Variants in GPC6 observed in about 807,000 individuals in gnomAD.
GPC6 encodes glypican-6.
Under a neutral mutation model 55.2 loss-of-function variants are expected in GPC6, and 14 were observed. The observed-to-expected ratio is 0.25, with a 90% CI of 0.17 to 0.40. The LOEUF (loss-of-function observed/expected upper bound fraction) is 0.40, where lower values mean the gene tolerates loss of function less well. Among genes scored for constraint, GPC6 ranks in the 10% least tolerant of loss-of-function variants. GPC6 has a pLI of 1.00. For missense variants in GPC6, 641 were observed against 708.5 expected (o/e 0.90, Z 1.08); for synonymous variants, 278 against 259.6 (o/e 1.07, Z -0.68).
rs138653160 is a variant in GPC6, at chr13:94,141,382, G to GT, written c.877+113489dup. Among the ~76,000 whole-genome samples, 1,512 of 152,276 alleles carry GT rather than the reference G, an allele frequency of 9.9e-3. 13 individuals carry two copies. The highest frequency in any genetic ancestry group is 0.032 in the African/African-American group (1,315 of 41,538). Reference sequence around the variant, plus strand: ...CTGAGACAGAGTGACTTGTAAGGGTGTGTGACTTAACCCTTGTCTGGCATG... The same window carrying GT: ...CTGAGACAGAGTGACTTGTAAGGGTGTTGTGACTTAACCCTTGTCTGGCATG... On this transcript the variant is annotated intron_variant, in intron 4 of 8. Coordinates refer to ENST00000377047, the MANE Select transcript of GPC6 (RefSeq NM_005708.5).
At chr13:94,253,134 T>G (rs73549926) in intron 4 of GPC6, among the ~76,000 whole-genome samples, 31,590 of 151,972 alleles carry the variant, frequency 0.21, 3,304 homozygotes, top group South Asian at 0.29. Flanking sequence ...TAAGAAATAA[T>G]GCATTATATC....
intron 3 of GPC6, among the ~76,000 whole-genome samples, chr13:93,933,688 T>G (rs903878494): frequency 6.6e-6 from 1 of 152,202 alleles, no homozygotes; most frequent in Non-Finnish European, 1.5e-5. Flanking sequence ...TTAGTACTGT[T>G]ATTGTCACTC....
rs1885582259 is a variant in GPC6, at chr13:94,093,931, AG to A, written c.877+66038del. Among the ~76,000 whole-genome samples the A allele has an allele frequency of 9.9e-5, 15 of 152,238 alleles. No individual in the cohort carries two copies. In the South Asian group the frequency reaches 3.1e-3, roughly 32 times the overall value. Reference sequence around the variant, plus strand: ...GATGCTAGCACAGGAAAAAAACACAAGAAAATTGGCCCTGCAATCTAAATGT... The same window carrying A: ...GATGCTAGCACAGGAAAAAAACACAAAAAATTGGCCCTGCAATCTAAATGT... On this transcript the variant is annotated intron_variant, in intron 4 of 8. Coordinates refer to ENST00000377047, the MANE Select transcript of GPC6 (RefSeq NM_005708.5).
intron 2 of GPC6, among the ~76,000 whole-genome samples, chr13:93,655,003 ATTTTT>A (rs3884231): frequency 1.6e-4 from 17 of 104,754 alleles, no homozygotes; most frequent in African/African-American, 1.9e-4. Flanking sequence ...TGCCCGGCTA[ATTTTT>A]TTTTTTTTTT....
intron 3 of GPC6, among the ~76,000 whole-genome samples, chr13:93,898,398 A>T (rs1327890124): frequency 6.6e-6 from 1 of 152,164 alleles, no homozygotes; most frequent in African/African-American, 2.4e-5. Flanking sequence ...GCCATGCCAT[A>T]GGGAAGTATA....
intron 3 of GPC6, among the ~76,000 whole-genome samples, chr13:94,009,397 A>G (rs891433981): frequency 6.6e-6 from 1 of 152,174 alleles, no homozygotes; most frequent in Admixed American, 6.5e-5. Flanking sequence ...TTGTTTCTCT[A>G]CATGCATAAT....
At chr13:94,383,607 A>G (rs1326617340) in intron 7 of GPC6, among the ~76,000 whole-genome samples, 2 of 152,238 alleles carry the variant, frequency 1.3e-5, no homozygotes, top group Non-Finnish European at 2.9e-5. Context: ...TATAAAGTGC[A>G]TGGCTATTAA....
intron 1 of GPC6, among the ~76,000 whole-genome samples, chr13:93,319,445 G>T (rs1879355254): frequency 6.6e-6 from 1 of 152,086 alleles, no homozygotes; most frequent in Non-Finnish European, 1.5e-5. Flanking sequence ...TTAACTTAGA[G>T]AAATAAAAGT....
intron 1 of GPC6, among the ~76,000 whole-genome samples, chr13:93,258,264 G>A (rs1440595417): frequency 6.6e-6 from 1 of 152,058 alleles, no homozygotes; most frequent in African/African-American, 2.4e-5. Context: ...TCTTTGCTTT[G>A]GCTACTTGTA....
intron 3 of GPC6, among the ~76,000 whole-genome samples, chr13:93,837,713 A>T (rs1242480010): frequency 6.6e-6 from 1 of 152,206 alleles, no homozygotes; most frequent in African/African-American, 2.4e-5. Context: ...AACATTTATT[A>T]TGCAATAAAT....
At chr13:94,269,477 A>G (rs1891924192) in intron 4 of GPC6, among the ~76,000 whole-genome samples, 1 of 152,204 alleles carries the variant, frequency 6.6e-6, no homozygotes, top group Non-Finnish European at 1.5e-5. Flanking sequence ...GGTCTTAAGA[A>G]TGAAGCTAGA....
intron 2 of GPC6, among the ~76,000 whole-genome samples, chr13:93,789,608 T>A (rs1267859943): frequency 3.0e-5 from 1 of 33,070 alleles, no homozygotes; most frequent in African/African-American, 1.5e-4. Flanking sequence ...CATATATATA[T>A]ATATATATAT....
chr13:93,310,914 TTTTACAAA>T (rs1322956607), intron 1 of GPC6, among the ~76,000 whole-genome samples: 3 of 152,186 alleles, frequency 2.0e-5, no homozygotes, highest in Non-Finnish European at 4.4e-5. Flanking sequence ...TATAAACAAT[TTTTACAAA>T]CTACGAAATC....
chr13:93,385,981 G>T (rs1302690677), intron 1 of GPC6, among the ~76,000 whole-genome samples: 2 of 151,556 alleles, frequency 1.3e-5, no homozygotes, highest in Non-Finnish European at 2.9e-5. Flanking sequence ...AATAAATGAA[G>T]GGTCCAATGG....
At chr13:94,077,238 G>A (rs1167056928) in intron 4 of GPC6, among the ~76,000 whole-genome samples, 2 of 151,544 alleles carry the variant, frequency 1.3e-5, no homozygotes, top group African/African-American at 4.8e-5. Context: ...TTTTTTTGAT[G>A]CTATTGTTAA....
chr13:93,875,192 C>T (rs1213053286), intron 3 of GPC6, among the ~76,000 whole-genome samples: 1 of 151,962 alleles, frequency 6.6e-6, no homozygotes, highest in African/African-American at 2.4e-5. Context: ...TATGGGGCCT[C>T]AATTTCCATT....
intron 6 of GPC6, among the ~76,000 whole-genome samples, chr13:94,379,376 A>G (rs1335478033): frequency 6.6e-6 from 1 of 152,148 alleles, no homozygotes; most frequent in Non-Finnish European, 1.5e-5. Context: ...CTTTGATGTT[A>G]TCTCCTTCAA....
chr13:94,276,801 G>A (rs953915728), intron 4 of GPC6, among the ~76,000 whole-genome samples: 1 of 152,130 alleles, frequency 6.6e-6, no homozygotes, highest in Non-Finnish European at 1.5e-5. Context: ...AGTATTCCAT[G>A]GTGTATATGT....
In GPC6 at chr13:93,511,558, T is replaced by C. The variant is rs956216488; in HGVS notation, c.161-33705T>C. ...GTGTATCTACTTTTTTCCAATACTG[T>C]GGTGTCTTGGCTACTTTAGCCTTGT... On this transcript the variant is annotated intron_variant, in intron 1 of 8. Coordinates refer to ENST00000377047, the MANE Select transcript of GPC6 (RefSeq NM_005708.5). 5.3e-5 allele frequency among the ~76,000 whole-genome samples: 8 copies of C among 152,082 alleles called. No homozygotes were observed. The South Asian group carries it at 6.2e-4, about 12-fold the overall frequency.
Sources: allele counts gnomAD v4.1 joint callset (sites outside exome capture counted in the v4.1 genomes callset), GRCh38; gene constraint gnomAD v4.1.1; transcripts MANE v1.5; gene names NCBI Gene and HGNC (gene_info 2026-07-23, HGNC 2026-07-21).